Variants in TMOD2 observed in about 807,000 individuals in gnomAD.
The protein encoded by TMOD2 is tropomodulin-2.
In TMOD2, 22 loss-of-function variants were observed where a neutral mutation model predicts 39.9. That is an observed-to-expected ratio of 0.55 (90% confidence interval 0.39 to 0.79). The LOEUF (loss-of-function observed/expected upper bound fraction) is 0.79, where lower values mean the gene tolerates loss of function less well. TMOD2 is among the 30% of genes least tolerant of loss of function. The probability of loss-of-function intolerance (pLI) is 0.00; values close to 1 mark genes in which losing one functional copy is unlikely to be tolerated. For missense variants in TMOD2, 386 were observed against 413.3 expected (o/e 0.93, Z 0.57); for synonymous variants, 123 against 146.1 (o/e 0.84, Z 1.14).
At chr15:51,792,216 A>G (rs904780363) in intron 7 of TMOD2, among the ~76,000 whole-genome samples, 2 of 152,262 alleles carry the variant, frequency 1.3e-5, no homozygotes, top group Non-Finnish European at 2.9e-5. Context: ...ATGAATAGAC[A>G]CTTCTCAAAA....
intron 7 of TMOD2, among the ~76,000 whole-genome samples, chr15:51,793,769 C>T (rs1280882990): frequency 6.6e-6 from 1 of 152,186 alleles, no homozygotes; most frequent in Non-Finnish European, 1.5e-5. Context: ...CCTGGCAACT[C>T]GCCAGGAGGT....
chr15:51,786,974 G>A (rs1409536549), intron 7 of TMOD2, among the ~76,000 whole-genome samples: 1 of 152,236 alleles, frequency 6.6e-6, no homozygotes, highest in Non-Finnish European at 1.5e-5. Context: ...ACTGGGACTG[G>A]TTGGACAGTG....
chr15:51,753,599 T>C (rs2055722406), intron 1 of TMOD2, among the ~76,000 whole-genome samples: 1 of 152,140 alleles, frequency 6.6e-6, no homozygotes, highest in African/African-American at 2.4e-5. Context: ...TGTTTGAATA[T>C]GGATTGCATG....
intron 1 of TMOD2, among the ~76,000 whole-genome samples, chr15:51,760,949 C>A (rs919659632): frequency 4.6e-5 from 7 of 152,008 alleles, no homozygotes; most frequent in African/African-American, 1.4e-4. Context: ...AGCAAATAAG[C>A]CATTTTAGCC....
chr15:51,799,330 G>T (rs3794536), intron 8 of TMOD2, among the ~76,000 whole-genome samples: 72,536 of 151,988 alleles, frequency 0.48, 17,590 homozygotes, highest in Admixed American at 0.54. Flanking sequence ...CTCTGGGAAA[G>T]TTCCTGGTGC....
chr15:51,783,687 T>C (rs2055947729), intron 7 of TMOD2: 1 of 151,868 alleles, frequency 6.6e-6, no homozygotes, highest in Non-Finnish European at 1.5e-5. Context: ...CCAGGAGTTC[T>C]AGGCTGCAGT....
At chr15:51,770,043 C>G (rs965967018) in intron 3 of TMOD2, among the ~76,000 whole-genome samples, 16 of 151,992 alleles carry the variant, frequency 1.1e-4, no homozygotes, top group Non-Finnish European at 1.6e-4. Flanking sequence ...AATAAATAAA[C>G]AAACAAACCA....
intron 8 of TMOD2, among the ~76,000 whole-genome samples, chr15:51,798,739 G>T (rs1400778598): frequency 6.6e-6 from 1 of 152,242 alleles, no homozygotes; most frequent in Non-Finnish European, 1.5e-5. Flanking sequence ...TGCTAACAGA[G>T]AAAGCAGGGT....
chr15:51,801,324 A>G (rs1033272823), intron 8 of TMOD2, among the ~76,000 whole-genome samples: 4 of 149,098 alleles, frequency 2.7e-5, no homozygotes, highest in Non-Finnish European at 5.9e-5. Flanking sequence ...CTAAGAAAAG[A>G]TTTTCTAGAG....
At chr15:51,807,400 G>T (rs1252121397) in intron 9 of TMOD2, among the ~76,000 whole-genome samples, 1 of 152,200 alleles carries the variant, frequency 6.6e-6, no homozygotes, top group African/African-American at 2.4e-5. Context: ...GTCCAGACAG[G>T]CTTTGCCAAG....
At chr15:51,790,823 C>T (rs113448468) in intron 7 of TMOD2, among the ~76,000 whole-genome samples, 4,819 of 152,280 alleles carry the variant, frequency 0.032, 122 homozygotes, top group Non-Finnish European at 0.05. Flanking sequence ...GCTAAAAACT[C>T]TCAATCAACT....
At chr15:51,760,096 G>A (rs979303385) in intron 1 of TMOD2, among the ~76,000 whole-genome samples, 3 of 152,332 alleles carry the variant, frequency 2.0e-5, no homozygotes, top group Non-Finnish European at 2.9e-5. Flanking sequence ...ATGTGGAGGT[G>A]CAAACAGAAG....
intron 7 of TMOD2, 126 bp downstream of exon 7, chr15:51,782,954 A>G: frequency 1.3e-6 from 1 of 746,250 alleles, no homozygotes. Flanking sequence ...TTAGTGAGCA[A>G]AATTATAGTT....
intron 4 of TMOD2, among the ~76,000 whole-genome samples, chr15:51,775,005 G>A (rs558339943): frequency 1.9e-4 from 29 of 152,142 alleles, no homozygotes; most frequent in African/African-American, 6.3e-4. Context: ...TCCCTCCCTC[G>A]TCCTGTGTTC....
chr15:51,763,106 TA>T (rs200817394), intron 1 of TMOD2, among the ~76,000 whole-genome samples: 11,256 of 150,162 alleles, frequency 0.075, 528 homozygotes, highest in African/African-American at 0.11. Context: ...AGCTAATTTT[TA>T]AAAAAAAAAA....
At chr15:51,795,169 C>T (rs1289469258) in intron 7 of TMOD2, among the ~76,000 whole-genome samples, 3 of 152,086 alleles carry the variant, frequency 2.0e-5, no homozygotes, top group Non-Finnish European at 2.9e-5. Context: ...ACCTGTAATC[C>T]CAGCACTTTG....
At position 51,798,209 on chromosome 15, in the gene TMOD2, A is replaced by G. The variant is rs2056064938; in HGVS notation, c.745A>G (p.Met249Val). The change falls in exon 8 of 10, where the codon ATG becomes GTG. Residue 249 changes from methionine (M) to valine (V), a missense_variant. Physicochemically the swap from Met to Val is conservative, Grantham distance 21. Coordinates refer to ENST00000249700, the MANE Select transcript of TMOD2 (RefSeq NM_014548.4). ...TTTGCATCATAAGGCTTTTGCAGACATGCTGAAAGTAAACAAGACCTTGAC... is the reference window on the plus strand; with the variant it reads ...TTTGCATCATAAGGCTTTTGCAGACGTGCTGAAAGTAAACAAGACCTTGAC... ...NDPVAIAFAD[M>V]LKVNKTLTSL... 1.2e-6 allele frequency: 2 copies of G among 1,600,166 alleles called. No homozygotes were observed. The highest frequency in any genetic ancestry group is 1.7e-6 in the Non-Finnish European group (2 of 1,176,504).
rs1405154392 is a variant in TMOD2 at position 51,768,407 on chromosome 15, G to A, written c.272G>A (p.Gly91Glu). Residue 91 changes from glycine to glutamate, a missense_variant, in exon 3 of 10, where the codon GGA becomes GAA. Physicochemically the swap from Gly to Glu is moderately conservative, Grantham distance 98 (BLOSUM62 -2). Coordinates refer to ENST00000249700, the MANE Select transcript of TMOD2 (RefSeq NM_014548.4). ...KDREDFVPFTGEKKGRVFIPK... is the reference protein window; with the variant it reads ...KDREDFVPFTEEKKGRVFIPK... ...AGAGAGGACTTTGTGCCCTTCACTGGAGAAAAGAAAGGTAAGGACCACAGG... is the reference window on the plus strand; with the variant it reads ...AGAGAGGACTTTGTGCCCTTCACTGAAGAAAAGAAAGGTAAGGACCACAGG... 8 of 1,613,706 alleles carry A rather than the reference G, an allele frequency of 5.0e-6. No individual in the cohort carries two copies. Among genetic ancestry groups the A allele is most frequent in the Admixed American group, 3.3e-5 (2 of 59,952 alleles).
At chr15:51,774,074 T>A (rs1822183080) in intron 4 of TMOD2, among the ~76,000 whole-genome samples, 1 of 152,208 alleles carries the variant, frequency 6.6e-6, no homozygotes, top group Non-Finnish European at 1.5e-5. Context: ...CTGTGAGAAA[T>A]TAAAGCAAAC....
Sources: allele counts gnomAD v4.1 joint callset (sites outside exome capture counted in the v4.1 genomes callset), GRCh38; gene constraint gnomAD v4.1.1; transcripts MANE v1.5; gene names NCBI Gene and HGNC (gene_info 2026-07-23, HGNC 2026-07-21).